The following TSPEAR variants were observed in gnomAD, a reference collection of about 807,000 sequenced individuals.
TSPEAR encodes the protein thrombospondin type laminin G domain and EAR repeats, also known as thrombospondin-type laminin G domain and EAR repeat-containing protein.
In TSPEAR, 69 loss-of-function variants were observed where a neutral mutation model predicts 71.6. The observed-to-expected ratio is 0.96, with a 90% CI of 0.79 to 1.18. The LOEUF is 1.18. TSPEAR is among the 50% of genes most tolerant of loss of function. TSPEAR has a pLI of 0.00. For synonymous variants in TSPEAR, 402 were observed against 387.2 expected, an observed-to-expected ratio of 1.04 and a Z score of -0.45; for missense variants, 971 against 894.9, an observed-to-expected ratio of 1.09 and a Z score of -1.09.
chr21:44,705,640 A>G (rs8130344), intron 1 of TSPEAR, among the ~76,000 whole-genome samples: 136,735 of 152,196 alleles, frequency 0.9, 61,741 homozygotes, highest in African/African-American at 0.93. Context: ...CTCCCATAGC[A>G]CTCCCAGGCT....
chr21:44,512,555 G>T (rs957670737), intron 9 of TSPEAR, among the ~76,000 whole-genome samples: 1 of 152,198 alleles, frequency 6.6e-6, no homozygotes, highest in Non-Finnish European at 1.5e-5. Context: ...GGAGCGTAGG[G>T]TGGAGGTGGC....
chr21:44,700,319 C>T (rs2146327477), intron 1 of TSPEAR, among the ~76,000 whole-genome samples: 1 of 152,306 alleles, frequency 6.6e-6, no homozygotes, highest in East Asian at 1.9e-4. Flanking sequence ...GTCACGTGTG[C>T]TTGGCAGGGA....
intron 2 of TSPEAR, among the ~76,000 whole-genome samples, chr21:44,544,579 A>C (rs1938594259): frequency 6.6e-6 from 1 of 152,238 alleles, no homozygotes; most frequent in Non-Finnish European, 1.5e-5. Context: ...TGGGAGAGAA[A>C]TAATGCTAGG....
intron 2 of TSPEAR, among the ~76,000 whole-genome samples, chr21:44,534,280 CTT>C: frequency 5.6e-5 from 1 of 17,946 alleles, no homozygotes; most frequent in Admixed American, 6.0e-4. Context: ...AGGGGTGGGG[CTT>C]GTGTGAGGGG....
At chr21:44,652,557 C>T (rs587618157) in intron 1 of TSPEAR, among the ~76,000 whole-genome samples, 153 of 152,294 alleles carry the variant, frequency 1.0e-3, no homozygotes, top group South Asian at 6.8e-3. Context: ...TTCTGTGAGA[C>T]TTTTTATGTC....
intron 8 of TSPEAR, among the ~76,000 whole-genome samples, chr21:44,524,082 A>C (rs1239043995): frequency 6.7e-6 from 1 of 149,980 alleles, no homozygotes; most frequent in African/African-American, 2.5e-5. Context: ...TAGTTAGGCA[A>C]TCAGTCAATA....
Position 44,520,998 on chromosome 21 carries a change from A to G in TSPEAR, c.1566+885T>C, listed in dbSNP as rs2052722542. Reference sequence around the variant, plus strand: ...TGGCATGGGGGCAGCTCACGTGGCAAGAGTGGCCTGGGTTAGTCTCACTGC... The same window carrying G: ...TGGCATGGGGGCAGCTCACGTGGCAGGAGTGGCCTGGGTTAGTCTCACTGC... On this transcript the variant is annotated intron_variant, in intron 9 of 11. Transcript: ENST00000323084. This position sits in a 1 kb window ranked among gnomAD's most constrained non-coding sequence, Gnocchi z 4.2. 1.3e-5 allele frequency among the ~76,000 whole-genome samples: 2 copies of G among 152,178 alleles called. No homozygotes were observed. The highest frequency in any genetic ancestry group is 2.1e-4 in the South Asian group (1 of 4,822).
At chr21:44,548,224 C>G (rs28582997) in intron 2 of TSPEAR, among the ~76,000 whole-genome samples, 3,644 of 152,314 alleles carry the variant, frequency 0.024, 136 homozygotes, top group African/African-American at 0.083. Context: ...GTCCCCTCTG[C>G]TTCCCTGGCA....
chr21:44,674,678 C>T (rs1180028289), intron 1 of TSPEAR, among the ~76,000 whole-genome samples: 1 of 151,354 alleles, frequency 6.6e-6, no homozygotes, highest in Non-Finnish European at 1.5e-5. Context: ...GACCACACCA[C>T]GACTGGGTCA....
chr21:44,580,899 GC>G (rs1978928403), intron 1 of TSPEAR, among the ~76,000 whole-genome samples: 2 of 152,270 alleles, frequency 1.3e-5, no homozygotes, highest in African/African-American at 4.8e-5. Context: ...AATATTTCAA[GC>G]AAACTTTTGT....
chr21:44,637,282 T>C, intron 1 of TSPEAR: 3 of 1,207,954 alleles, frequency 2.5e-6, no homozygotes, highest in South Asian at 2.9e-5. Flanking sequence ...GGGGAGGGCA[T>C]TGCTGAGTCT....
Position 44,567,897 on chromosome 21 carries a change from G to A in TSPEAR, c.191C>T (p.Ala64Val), listed in dbSNP as rs1220220969. ...TGGGAAGCTCATGGTGCGGGGGGCG[G>A]CTACTGAGAGCTGGAGTCCCCGTGC... is the stretch of plus-strand genomic sequence containing the variant. ...HGARGLQLSVAAPRTMSFPAS... is the reference protein window; with the variant it reads ...HGARGLQLSVVAPRTMSFPAS... The change falls in exon 2 of 12, where the codon GCC (alanine) becomes GTC (valine). Residue 64 changes from alanine to valine, a missense_variant. Physicochemically the swap from Ala to Val is moderately conservative, Grantham distance 64. Transcript: ENST00000323084. The A allele has an allele frequency of 2.5e-6, 4 of 1,607,772 alleles. No individual in the cohort carries two copies. Among genetic ancestry groups the A allele is most frequent in the Non-Finnish European group, 3.4e-6 (4 of 1,176,136 alleles).
intron 1 of TSPEAR, among the ~76,000 whole-genome samples, chr21:44,640,581 C>T (rs1983970379): frequency 6.6e-6 from 1 of 152,240 alleles, no homozygotes. Context: ...AGTCTCAGCC[C>T]TCCATTTGGG....
At position 44,558,443 on chromosome 21, in the gene TSPEAR, T is replaced by C. The variant is rs781913842; in HGVS notation, c.303+9342A>G. The C allele has an allele frequency of 3.1e-6, 5 of 1,612,486 alleles. No individual in the cohort carries two copies. In the African/African-American group the frequency reaches 4.0e-5, roughly 13 times the overall value. ...AGCAGGCCTGCTGGCAGGGGGAGGATGTGCAGCAAGCTGGCTGGCAGCTAG... is the reference window on the plus strand; with the variant it reads ...AGCAGGCCTGCTGGCAGGGGGAGGACGTGCAGCAAGCTGGCTGGCAGCTAG... On this transcript the variant is annotated intron_variant, in intron 2 of 11. Transcript: ENST00000323084.
At chr21:44,591,221 C>T in intron 1 of TSPEAR, 10 of 1,409,256 alleles carry the variant, frequency 7.1e-6, no homozygotes, top group South Asian at 3.0e-5. Flanking sequence ...GCTGGGGTCT[C>T]TCATGCAGCC....
chr21:44,698,331 C>T (rs1381861308), intron 1 of TSPEAR, among the ~76,000 whole-genome samples: 3 of 152,202 alleles, frequency 2.0e-5, no homozygotes, highest in Non-Finnish European at 2.9e-5. Context: ...ACCAGCCCGA[C>T]AGGAGGCCAG....
chr21:44,515,203 T>G (rs1300594552), intron 9 of TSPEAR, among the ~76,000 whole-genome samples: 3 of 152,180 alleles, frequency 2.0e-5, no homozygotes, highest in Non-Finnish European at 4.4e-5. Flanking sequence ...TTCAACACAA[T>G]GTGAGAAATG....
intron 1 of TSPEAR, chr21:44,666,072 C>G: frequency 6.8e-6 from 1 of 147,348 alleles, no homozygotes; most frequent in Non-Finnish European, 1.3e-5. Context: ...ACACCACCTT[C>G]TGATGAGCAC....
At chr21:44,697,227 G>A in intron 1 of TSPEAR, 1 of 1,614,024 alleles carries the variant, frequency 6.2e-7, no homozygotes, top group Non-Finnish European at 8.5e-7. Flanking sequence ...AGCGACCTGA[G>A]CTATGGCAGC....
Sources: gnomAD v4.1 joint callset for allele counts (sites outside exome capture counted in the v4.1 genomes callset) on GRCh38, gnomAD v4.1.1 for gene constraint, Gnocchi (gnomAD v3.1) non-coding constraint, MANE v1.5 for transcripts, NCBI Gene and HGNC (gene_info 2026-07-23, HGNC 2026-07-21) for gene names.